BCAT2: variants seen among roughly 807,000 people sequenced by gnomAD.
The protein encoded by BCAT2 is branched-chain-amino-acid aminotransferase, mitochondrial.
A neutral mutation model predicts 52.9 loss-of-function variants in BCAT2; 44 were observed. The observed-to-expected ratio is 0.83, with a 90% CI of 0.65 to 1.07. The LOEUF (loss-of-function observed/expected upper bound fraction) is 1.07, where lower values mean the gene tolerates loss of function less well. Among genes scored for constraint, BCAT2 ranks in the 50% least tolerant of loss-of-function variants. The pLI is 0.00. For synonymous variants in BCAT2, 215 were observed against 217.1 expected, an observed-to-expected ratio of 0.99 and a Z score of 0.08; for missense variants, 478 against 521.8, an observed-to-expected ratio of 0.92 and a Z score of 0.82.
In BCAT2 at chr19:48,799,531, G is replaced by A; in HGVS notation, c.695+144C>T. The A allele has an allele frequency of 1.9e-6, 2 of 1,029,372 alleles. No homozygotes were observed. Among genetic ancestry groups the A allele is most frequent in the Non-Finnish European group, 1.3e-6 (1 of 754,770 alleles). 63.8% of individuals were successfully genotyped at this position (1,029,372 alleles called of 1,614,324 possible). The stretch of plus-strand genomic sequence containing the variant: ...ATGGTTTGTTTTCAGGGACCAGGGA[G>A]GTCACTTAGCACTGAGCCCTGCACG... On this transcript the variant is annotated intron_variant, in intron 6 of 10. Transcript: ENST00000316273. This position sits in a 1 kb window ranked among gnomAD's most constrained non-coding sequence, Gnocchi z 5.5.
At chr19:48,804,930 G>T (rs972811346) in intron 3 of BCAT2, among the ~76,000 whole-genome samples, 1 of 152,012 alleles carries the variant, frequency 6.6e-6, no homozygotes, top group Non-Finnish European at 1.5e-5. Context: ...GTACAGAATC[G>T]ACTGGTGTTG....
chr19:48,803,419 T>C (rs757242334), intron 3 of BCAT2, among the ~76,000 whole-genome samples: 14 of 151,910 alleles, frequency 9.2e-5, no homozygotes, highest in Admixed American at 3.3e-4. Context: ...TCCCAGCTAC[T>C]TGGAAGGCTG....
chr19:48,810,889 G>T (rs890287994), intron 1 of BCAT2, 95 bp downstream of exon 1: 6 of 1,550,562 alleles, frequency 3.9e-6, no homozygotes, highest in Non-Finnish European at 5.2e-6. Flanking sequence ...CGGGAGGAGC[G>T]GCGCCGAGTC....
chr19:48,810,585 C>T (rs762572799), intron 1 of BCAT2, among the ~76,000 whole-genome samples: 1 of 152,038 alleles, frequency 6.6e-6, no homozygotes, highest in Non-Finnish European at 1.5e-5. Context: ...CCAACTCTGC[C>T]TTCACCTGCA....
Position 48,808,997 on chromosome 19 carries a change from C to T in BCAT2, c.25-1923G>A, listed in dbSNP as rs142331319. Among the ~76,000 whole-genome samples the T allele has an allele frequency of 3.3e-4, 44 of 134,386 alleles. 2 individuals carry two copies. In the Middle Eastern group the frequency reaches 0.018, roughly 55 times the overall value. The allele number at this position is 134,386 out of a possible 152,430, so 88.2% of individuals were successfully genotyped here. A position where few individuals can be genotyped will look rare whatever the true frequency, so the allele number is the denominator to read the frequency against. Reference sequence around the variant, plus strand: ...GCTAAGGTGGGAGGATCACCTTGACCTACTGGTCAAGGCTGTGGTGAGCTA... The same window carrying T: ...GCTAAGGTGGGAGGATCACCTTGACTTACTGGTCAAGGCTGTGGTGAGCTA... On this transcript the variant is annotated intron_variant, in intron 1 of 10. Coordinates refer to ENST00000316273, the MANE Select transcript of BCAT2 (RefSeq NM_001190.4).
intron 1 of BCAT2, chr19:48,810,708 T>G: frequency 4.1e-4 from 176 of 432,728 alleles, no homozygotes; most frequent in Middle Eastern, 1.0e-3. Context: ...CACGCCTCCC[T>G]CATTACAGGG....
intron 3 of BCAT2, among the ~76,000 whole-genome samples, chr19:48,805,773 C>T (rs1283539786): frequency 8.3e-6 from 1 of 120,176 alleles, no homozygotes; most frequent in African/African-American, 3.3e-5. Flanking sequence ...CCATCCCTCC[C>T]CCGGCTGTCC....
intron 3 of BCAT2, among the ~76,000 whole-genome samples, chr19:48,804,249 T>C (rs1036686303): frequency 1.3e-5 from 2 of 151,984 alleles, no homozygotes; most frequent in Non-Finnish European, 2.9e-5. Flanking sequence ...AGTACCACAA[T>C]AATAAAAAAT....
intron 10 of BCAT2, 63 bp downstream of exon 10, chr19:48,796,365 A>G (rs1253814441): frequency 6.3e-7 from 1 of 1,598,218 alleles, no homozygotes; most frequent in Admixed American, 1.7e-5. Context: ...CCAGGGGCTC[A>G]TGGGACACCA....
intron 1 of BCAT2, chr19:48,808,337 AAG>A: frequency 1.2e-6 from 1 of 832,340 alleles, no homozygotes; most frequent in Non-Finnish European, 1.4e-6. Flanking sequence ...AGATGAAAAA[AAG>A]AGAGTAAGAG....
chr19:48,800,185 A>G lies in BCAT2; in HGVS notation c.411+2T>C. The G allele has an allele frequency of 1.9e-6, 3 of 1,613,090 alleles. No homozygotes were observed. Among genetic ancestry groups the G allele is most frequent in the Non-Finnish European group, 2.5e-6 (3 of 1,179,662 alleles). On this transcript the variant is annotated splice_donor_variant, in intron 4 of 10. Transcript: ENST00000316273. LOFTEE classifies it high-confidence loss of function. ...CCACCCCGGTGGACCGGGACCCCTC[A>G]CCGGCAGGCACAGGCGCATGGCTGA... is the stretch of plus-strand genomic sequence containing the variant.
At chr19:48,803,706 C>A (rs1031500391) in intron 3 of BCAT2, among the ~76,000 whole-genome samples, 6 of 152,016 alleles carry the variant, frequency 3.9e-5, no homozygotes, top group Non-Finnish European at 8.8e-5. Flanking sequence ...AATAAATAAA[C>A]AAATACAGGT....
In BCAT2 at chr19:48,807,113, C is replaced by T; in HGVS notation, c.25-39G>A. On this transcript the variant is annotated intron_variant, in intron 1 of 10. Coordinates refer to ENST00000316273, the MANE Select transcript of BCAT2 (RefSeq NM_001190.4). The surrounding 1 kb of genome is among the most constrained non-coding windows in gnomAD (Gnocchi z 4.6). ...GAAGTGAGAGAGGGGGTGAGTGGGG[C>T]ACAGCAGGGGCCCTGGCAGCTCGCT... The T allele has an allele frequency of 6.4e-6, 10 of 1,568,152 alleles. No individual in the cohort carries two copies. The highest frequency in any genetic ancestry group is 8.7e-6 in the Non-Finnish European group (10 of 1,144,844).
chr19:48,796,109 G>A (rs2034505472), intron 10 of BCAT2: 1 of 484,064 alleles, frequency 2.1e-6, no homozygotes, highest in South Asian at 4.1e-5. Context: ...AGGGCACCCA[G>A]GGGCCTCAGA....
At position 48,800,316 on chromosome 19, in the gene BCAT2, G is replaced by T. The variant is rs1278706945; in HGVS notation, c.301-19C>A. On this transcript the variant is annotated intron_variant, in intron 3 of 10. Coordinates refer to ENST00000316273, the MANE Select transcript of BCAT2 (RefSeq NM_001190.4). ...CAAACAGCTGCGGGGACACGCGGGT[G>T]GGGAGGCTCAGAGACTTCTCCAGAC... 1 of 1,609,430 alleles carries T rather than the reference G, an allele frequency of 6.2e-7. No homozygotes were observed. The highest frequency in any genetic ancestry group is 1.1e-5 in the South Asian group (1 of 90,860).
At chr19:48,802,979 G>A (rs1314739334) in intron 3 of BCAT2, among the ~76,000 whole-genome samples, 1 of 152,202 alleles carries the variant, frequency 6.6e-6, no homozygotes, top group Non-Finnish European at 1.5e-5. Flanking sequence ...AGAATTGCTT[G>A]AAGCCAGGAG....
intron 3 of BCAT2, 116 bp downstream of exon 3, chr19:48,806,401 G>T: frequency 7.5e-7 from 1 of 1,324,968 alleles, no homozygotes; most frequent in Non-Finnish European, 1.0e-6. Flanking sequence ...AATGGTGAAT[G>T]CACAGAAAGG....
chr19:48,803,038 TTTAAAAA>T (rs2034690386), intron 3 of BCAT2, among the ~76,000 whole-genome samples: 1 of 151,946 alleles, frequency 6.6e-6, no homozygotes, highest in Admixed American at 6.6e-5. Flanking sequence ...TTGCACAAGA[TTTAAAAA>T]TTAACTGGGC....
chr19:48,798,430 T>C (rs2034580572), intron 6 of BCAT2, among the ~76,000 whole-genome samples: 1 of 152,168 alleles, frequency 6.6e-6, no homozygotes. Flanking sequence ...CCTGCCTGGG[T>C]CTAATGAATA....
Sources: allele counts gnomAD v4.1 joint callset (sites outside exome capture counted in the v4.1 genomes callset), GRCh38; gene constraint gnomAD v4.1.1; non-coding constraint Gnocchi (gnomAD v3.1); transcripts MANE v1.5; gene names NCBI Gene and HGNC (gene_info 2026-07-23, HGNC 2026-07-21).